The following CMTM8 variants were observed in gnomAD, a reference collection of about 807,000 sequenced individuals.
CMTM8 encodes CKLF like MARVEL transmembrane domain containing 8, also known as CKLF-like MARVEL transmembrane domain-containing protein 8.
A neutral mutation model predicts 18.6 loss-of-function variants in CMTM8; 12 were observed. That is an observed-to-expected ratio of 0.65 (90% CI 0.41 to 1.05). The LOEUF is 1.05. Ranked by LOEUF, CMTM8 falls within the 50% of genes least tolerant of loss-of-function variation. CMTM8 has a pLI of 0.00. For missense variants in CMTM8, 217 were observed against 227.2 expected (o/e 0.95, Z 0.29); for synonymous variants, 87 against 90.6 (o/e 0.96, Z 0.23).
chr3:32,315,925 G>A (rs909699243), intron 1 of CMTM8, among the ~76,000 whole-genome samples: 8 of 148,664 alleles, frequency 5.4e-5, no homozygotes, highest in African/African-American at 2.0e-4. Context: ...GAAACTCTTA[G>A]TACTCCTTGA....
chr3:32,281,343 G>T (rs1420418209), intron 1 of CMTM8, among the ~76,000 whole-genome samples: 1 of 152,130 alleles, frequency 6.6e-6, no homozygotes, highest in Non-Finnish European at 1.5e-5. Context: ...GATTAATTTA[G>T]CACATGCATT....
At chr3:32,334,805 G>A (rs1490493873) in intron 1 of CMTM8, among the ~76,000 whole-genome samples, 1 of 152,166 alleles carries the variant, frequency 6.6e-6, no homozygotes, top group African/African-American at 2.4e-5. Context: ...AAAAAATTGT[G>A]TAAAGTGAAA....
intron 1 of CMTM8, among the ~76,000 whole-genome samples, chr3:32,294,040 G>T (rs1005490549): frequency 6.6e-6 from 1 of 152,138 alleles, no homozygotes; most frequent in Non-Finnish European, 1.5e-5. Flanking sequence ...CATGAGAGTC[G>T]TGCCCTTTGG....
intron 1 of CMTM8, among the ~76,000 whole-genome samples, chr3:32,274,898 G>A (rs760426523): frequency 1.3e-5 from 2 of 152,178 alleles, no homozygotes; most frequent in Admixed American, 1.3e-4. Context: ...TTCAGGTTAT[G>A]TGTTGTTGGC....
At chr3:32,264,624 G>C (rs532855603) in intron 1 of CMTM8, among the ~76,000 whole-genome samples, 2 of 152,248 alleles carry the variant, frequency 1.3e-5, no homozygotes, top group South Asian at 4.2e-4. Context: ...ATGTAAATGG[G>C]CTAAATGCTC....
At chr3:32,348,593 G>A (rs900812954) in intron 1 of CMTM8, among the ~76,000 whole-genome samples, 4 of 132,576 alleles carry the variant, frequency 3.0e-5, no homozygotes, top group African/African-American at 1.1e-4. Context: ...TGACCTCCTA[G>A]GCTCAAGCAA....
At chr3:32,288,189 G>A (rs1197553036) in intron 1 of CMTM8, among the ~76,000 whole-genome samples, 2 of 152,144 alleles carry the variant, frequency 1.3e-5, no homozygotes, top group African/African-American at 4.8e-5. Flanking sequence ...GCTAACACAG[G>A]ATTTTAGATG....
intron 1 of CMTM8, among the ~76,000 whole-genome samples, chr3:32,258,668 C>A (rs1306069213): frequency 6.6e-6 from 1 of 152,030 alleles, no homozygotes; most frequent in Non-Finnish European, 1.5e-5. Flanking sequence ...TGCCACCATG[C>A]CTGGCTGATT....
intron 1 of CMTM8, among the ~76,000 whole-genome samples, chr3:32,286,156 G>A (rs186037073): frequency 2.6e-5 from 4 of 152,252 alleles, no homozygotes; most frequent in East Asian, 1.9e-4. Context: ...CTGTTGTAGC[G>A]GCCCACCTCT....
At chr3:32,330,134 A>T (rs1159732292) in intron 1 of CMTM8, among the ~76,000 whole-genome samples, 3 of 152,050 alleles carry the variant, frequency 2.0e-5, no homozygotes, top group Non-Finnish European at 4.4e-5. Flanking sequence ...ATATTGTTAA[A>T]ATGTTCATAT....
At chr3:32,262,422 A>C (rs764707274) in intron 1 of CMTM8, among the ~76,000 whole-genome samples, 2 of 152,192 alleles carry the variant, frequency 1.3e-5, no homozygotes, top group Non-Finnish European at 2.9e-5. Flanking sequence ...GCAGTAAGGC[A>C]CACTGCAAGG....
chr3:32,360,441 C>T (rs1696900973), intron 2 of CMTM8, among the ~76,000 whole-genome samples: 1 of 152,218 alleles, frequency 6.6e-6, no homozygotes, highest in East Asian at 1.9e-4. Flanking sequence ...CTAAATACAC[C>T]TTTGTAACTT....
At chr3:32,248,417 G>A (rs113925906) in intron 1 of CMTM8, among the ~76,000 whole-genome samples, 69 of 152,034 alleles carry the variant, frequency 4.5e-4, no homozygotes, top group African/African-American at 1.5e-3. Flanking sequence ...GCTGGGGTGC[G>A]GTAGCGCGAT....
chr3:32,312,281 C>G (rs565550027), intron 1 of CMTM8, among the ~76,000 whole-genome samples: 4 of 152,058 alleles, frequency 2.6e-5, no homozygotes, highest in African/African-American at 4.8e-5. Context: ...TAAAGGGGGC[C>G]CGCATCCCTC....
chr3:32,316,335 C>CT (rs1448432377), intron 1 of CMTM8, among the ~76,000 whole-genome samples: 1 of 152,144 alleles, frequency 6.6e-6, no homozygotes, highest in African/African-American at 2.4e-5. Context: ...CCAATTCCAC[C>CT]TTTTTACTTT....
rs750949379 is a variant in CMTM8, at chr3:32,239,078, T to C, written c.106T>C (p.Phe36Leu). ...CAGCAGCTTCGCCTACGACCGGGAG[T>C]TCCTCCGCACCCTGCCCGGCTTCCT... ...SSSSFAYDRE[F>L]LRTLPGFLIV... The change falls in exon 1 of 4, where the codon TTC (phenylalanine) becomes CTC (leucine). Residue 36 changes from phenylalanine (F) to leucine (L), a missense_variant. Transcript: ENST00000307526. 6.2e-6 allele frequency: 10 copies of C among 1,600,628 alleles called. No homozygotes were observed. The Admixed American group carries it at 6.8e-5, about 11-fold the overall frequency.
chr3:32,260,901 A>T (rs1388828711), intron 1 of CMTM8, among the ~76,000 whole-genome samples: 1 of 152,108 alleles, frequency 6.6e-6, no homozygotes, highest in South Asian at 2.1e-4. Flanking sequence ...ATTCATTCTT[A>T]AGCTCCTCAA....
intron 2 of CMTM8, among the ~76,000 whole-genome samples, chr3:32,365,097 G>A (rs1038947534): frequency 7.2e-5 from 11 of 152,140 alleles, no homozygotes; most frequent in Admixed American, 1.3e-4. Context: ...GTCACCCCGA[G>A]GCTGCCAGAC....
In CMTM8 at chr3:32,273,129, ATGTGTG is replaced by A. The variant is rs60162265; in HGVS notation, c.147+34038_147+34043del. Among the ~76,000 whole-genome samples, 9 of 142,924 alleles carry A rather than the reference ATGTGTG, an allele frequency of 6.3e-5. No homozygotes were observed. The South Asian group carries it at 6.9e-4, about 11-fold the overall frequency. The allele number at this position is 142,924 out of a possible 152,430, so 93.8% of individuals were successfully genotyped here. A position where few individuals can be genotyped will look rare whatever the true frequency, so the allele number is the denominator to read the frequency against. On this transcript the variant is annotated intron_variant, in intron 1 of 3. Transcript: ENST00000307526. ...CAAGGGTGTGGAGAAATTGGAACAA[ATGTGTG>A]TGTGTGTGTGTGTGTGTGTGTGTGT... is the stretch of plus-strand genomic sequence containing the variant.
Sources: allele counts gnomAD v4.1 joint callset (sites outside exome capture counted in the v4.1 genomes callset), GRCh38; gene constraint gnomAD v4.1.1; transcripts MANE v1.5; gene names NCBI Gene and HGNC (gene_info 2026-07-23, HGNC 2026-07-21).